The following NPHP3 variants were observed in gnomAD, a reference collection of about 807,000 sequenced individuals.
The protein encoded by NPHP3 is nephrocystin 3.
NPHP3 carries 123 observed loss-of-function variants against 171.9 expected under a neutral mutation model. The observed-to-expected ratio is 0.72, with a 90% confidence interval of 0.62 to 0.83. The LOEUF (loss-of-function observed/expected upper bound fraction) is 0.83, where lower values mean the gene tolerates loss of function less well. Ranked by LOEUF, NPHP3 falls within the 40% of genes least tolerant of loss-of-function variation. NPHP3 has a pLI of 0.00. For synonymous variants in NPHP3, 558 were observed against 579.2 expected (o/e 0.96, Z 0.52); for missense variants, 1,506 against 1,591.9 (o/e 0.95, Z 0.92).
chr3:132,687,112 T>C, intron 22 of NPHP3, 39 bp downstream of exon 22: 1 of 1,024,840 alleles, frequency 9.8e-7, no homozygotes, highest in Non-Finnish European at 1.5e-6. Flanking sequence ...TCTTTTCCTC[T>C]TACGTTCAAA....
intron 25 of NPHP3, 128 bp downstream of exon 25, chr3:132,683,266 TACTAA>T: frequency 1.2e-6 from 1 of 835,798 alleles, no homozygotes; most frequent in East Asian, 2.7e-5. Context: ...GTTTCTCAAG[TACTAA>T]AGGAAGTATT....
Position 132,697,488 on chromosome 3 carries a change from C to A in NPHP3, c.1986-126G>T, listed in dbSNP as rs1322488969. ...TACTGCTTTTGTAAAATAAGCAAAACTAATGTCTATTAATCATATTAAGTA... is the reference window on the plus strand; with the variant it reads ...TACTGCTTTTGTAAAATAAGCAAAAATAATGTCTATTAATCATATTAAGTA... On this transcript the variant is annotated intron_variant, in intron 13 of 26. Coordinates refer to ENST00000337331, the MANE Select transcript of NPHP3 (RefSeq NM_153240.5). 1.4e-5 allele frequency: 9 copies of A among 658,500 alleles called. No homozygotes were observed. In the Admixed American group the frequency reaches 2.3e-4, roughly 17 times the overall value. 40.8% of individuals were successfully genotyped at this position (658,500 alleles called of 1,614,324 possible). A position where few individuals can be genotyped will look rare whatever the true frequency, so the allele number is the denominator to read the frequency against.
Position 132,715,209 on chromosome 3 carries a change from T to G in NPHP3, c.833A>C (p.Asp278Ala). 1 of 1,611,838 alleles carries G rather than the reference T, an allele frequency of 6.2e-7. No homozygotes were observed. Among genetic ancestry groups the G allele is most frequent in the Non-Finnish European group, 8.5e-7 (1 of 1,178,184 alleles). ...PFANVNRDDW[D>A]IAVASLLQVT... ...TTGTAATAAACTAGCTACAGCAATA[T>G]CCCAGTCATCTGAAAATAAAATTTC... Residue 278 changes from aspartate to alanine, a missense_variant, in exon 5 of 27, where the codon GAT (aspartate) becomes GCT (alanine). Asp to Ala is a moderately radical substitution (Grantham distance 126). Transcript: ENST00000337331.
At chr3:132,703,058 T>A (rs1939657060) in intron 9 of NPHP3, among the ~76,000 whole-genome samples, 1 of 152,236 alleles carries the variant, frequency 6.6e-6, no homozygotes, top group Non-Finnish European at 1.5e-5. Context: ...TAGCAATACT[T>A]CTCATAAAAT....
At chr3:132,687,854 TAG>T (rs1257777203) in intron 21 of NPHP3, among the ~76,000 whole-genome samples, 1 of 152,198 alleles carries the variant, frequency 6.6e-6, no homozygotes, top group Non-Finnish European at 1.5e-5. Flanking sequence ...TATAACGGGC[TAG>T]AGAGTTAATA....
rs1939564898 is a variant in NPHP3 at position 132,700,048 on chromosome 3, G to C, written c.1757C>G (p.Ser586Cys). The C allele has an allele frequency of 4.3e-6, 7 of 1,614,014 alleles. No individual in the cohort carries two copies. Among genetic ancestry groups the C allele is most frequent in the African/African-American group, 1.3e-5 (1 of 74,930 alleles). ...CAGTGTCAGAGCAGAGACTGACCAAGAGTGCTGCATCAACTACAAGATAAG... is the reference window on the plus strand; with the variant it reads ...CAGTGTCAGAGCAGAGACTGACCAACAGTGCTGCATCAACTACAAGATAAG... ...KRLTLKLMQHSWSVSALTLDP... is the reference protein window; with the variant it reads ...KRLTLKLMQHCWSVSALTLDP... Residue 586 changes from serine to cysteine, a missense_variant, in exon 12 of 27, where the codon TCT (serine) becomes TGT (cysteine). Physicochemically the swap from Ser to Cys is moderately radical, Grantham distance 112. This residue lies in a region of NPHP3 where 930 missense variants were observed against 924.9 expected (regional missense o/e 1.01). Transcript: ENST00000337331.
At chr3:132,716,985 G>A in intron 3 of NPHP3, 76 bp from the exon 4 acceptor site, 1 of 1,372,706 alleles carries the variant, frequency 7.3e-7, no homozygotes. Context: ...ATACCGAACA[G>A]GATTGCTGAT....
At chr3:132,695,170 A>C in intron 15 of NPHP3, 1 of 538,716 alleles carries the variant, frequency 1.9e-6, no homozygotes, top group Non-Finnish European at 3.3e-6. Context: ...AATTCAGTGC[A>C]ATAAACATGC....
chr3:132,713,690 C>A (rs749031305), intron 5 of NPHP3, among the ~76,000 whole-genome samples: 1 of 151,958 alleles, frequency 6.6e-6, no homozygotes, highest in African/African-American at 2.4e-5. Context: ...TATATCAGAA[C>A]GCTAAAGCAG....
At chr3:132,716,058 ACTT>A (rs1230930287) in intron 4 of NPHP3, among the ~76,000 whole-genome samples, 1 of 149,000 alleles carries the variant, frequency 6.7e-6, no homozygotes, top group East Asian at 2.0e-4. Flanking sequence ...ACATTGTAAG[ACTT>A]CTTATCAATT....
At chr3:132,686,702 C>T (rs1939171755) in intron 22 of NPHP3, among the ~76,000 whole-genome samples, 1 of 152,064 alleles carries the variant, frequency 6.6e-6, no homozygotes, top group South Asian at 2.1e-4. Flanking sequence ...TAGGTAAACA[C>T]ATAAACATCA....
At chr3:132,693,917 A>G (rs1939376200) in intron 16 of NPHP3, 1 of 152,118 alleles carries the variant, frequency 6.6e-6, no homozygotes, top group Admixed American at 6.5e-5. Context: ...TATATTTTCA[A>G]AAACCAAAAT....
At chr3:132,687,802 A>G (rs1247097984) in intron 21 of NPHP3, among the ~76,000 whole-genome samples, 2 of 152,248 alleles carry the variant, frequency 1.3e-5, no homozygotes, top group Non-Finnish European at 2.9e-5. Context: ...GGTGCCTGAT[A>G]GATAAGAAAG....
intron 16 of NPHP3, among the ~76,000 whole-genome samples, chr3:132,694,615 G>A (rs2107974269): frequency 6.6e-6 from 1 of 151,944 alleles, no homozygotes; most frequent in Non-Finnish European, 1.5e-5. Flanking sequence ...CAGCAATTCA[G>A]AAAAAAAGGA....
At chr3:132,682,437 A>C in intron 26 of NPHP3, 1 of 557,550 alleles carries the variant, frequency 1.8e-6, no homozygotes. Flanking sequence ...ACAGCAAATT[A>C]CCCATATTAC....
rs61559184 is a variant in NPHP3 at position 132,714,570 on chromosome 3, AT to A, written c.957+514del. 5.8e-4 allele frequency among the ~76,000 whole-genome samples: 88 copies of A among 151,972 alleles called. 2 individuals are homozygous for A. Among genetic ancestry groups the A allele is most frequent in the Non-Finnish European group, 7.9e-4 (54 of 67,972 alleles). ...CTTTCTCTGCAAAAAAAAAAAATAA[AT>A]AAATTAAATTAGCCGTATGTGGTGG... is the stretch of plus-strand genomic sequence containing the variant. On this transcript the variant is annotated intron_variant, in intron 5 of 26. Coordinates refer to ENST00000337331, the MANE Select transcript of NPHP3 (RefSeq NM_153240.5).
chr3:132,685,606 A>C (rs569480335), intron 23 of NPHP3: 1 of 152,360 alleles, frequency 6.6e-6, no homozygotes, highest in Non-Finnish European at 1.5e-5. Context: ...CTTTTGCCCA[A>C]ATAAACTGAC....
At chr3:132,684,955 A>C (rs1939118843) in intron 23 of NPHP3, 161 bp from the exon 24 acceptor site, 2 of 774,432 alleles carry the variant, frequency 2.6e-6, no homozygotes, top group Non-Finnish European at 4.2e-6. Context: ...CCCCACCCCT[A>C]TCTCTTCCTG....
rs1472396175 is a variant in NPHP3 at position 132,684,716 on chromosome 3, C to T, written c.3408G>A (p.Gln1136=). 8 of 1,614,074 alleles carry T rather than the reference C, an allele frequency of 5.0e-6. No individual in the cohort carries two copies. Among genetic ancestry groups the T allele is most frequent in the Non-Finnish European group, 6.8e-6 (8 of 1,179,988 alleles). ...ATAGAGCTGCCAGATTATTCAAAGA[C>T]TGAGCACAGTCAGGGTGATCTGGTC... The part of the protein sequence containing the change: ...VLGPDHPDCA[Q]SLNNLAALCN... Residue 1136 remains glutamine (Q), a synonymous_variant, in exon 24 of 27, where the codon CAG becomes CAA. Transcript: ENST00000337331.
Sources: allele counts gnomAD v4.1 joint callset (sites outside exome capture counted in the v4.1 genomes callset), GRCh38; gene constraint gnomAD v4.1.1; regional missense constraint gnomAD v4.1.1; transcripts MANE v1.5; gene names NCBI Gene and HGNC (gene_info 2026-07-23, HGNC 2026-07-21).